RBPJL: variants seen among roughly 807,000 people sequenced by gnomAD.
RBPJL encodes recombination signal binding protein for immunoglobulin kappa J region like.
A neutral mutation model predicts 57.6 loss-of-function variants in RBPJL; 50 were observed. The ratio of observed to expected loss-of-function variants is 0.87; its 90% CI spans 0.69 to 1.10. The LOEUF is 1.10. RBPJL is among the 50% of genes least tolerant of loss of function. The pLI is 0.00. For synonymous variants in RBPJL, 303 were observed against 294.4 expected, an observed-to-expected ratio of 1.03 and a Z score of -0.30; for missense variants, 684 against 693.7, an observed-to-expected ratio of 0.99 and a Z score of 0.16.
In RBPJL at chr20:45,314,519, G is replaced by A. The variant is rs771226617; in HGVS notation, c.974G>A (p.Gly325Asp). The change falls in exon 9 of 12, where the codon GGT becomes GAT. Residue 325 changes from glycine (G) to aspartate (D), a missense_variant. Transcript: ENST00000343694. ...TTTCCAGGCAGTCCCCCAGGAGGGGGTGGCACCTACTTATGCCTTGCCACA... is the reference window on the plus strand; with the variant it reads ...TTTCCAGGCAGTCCCCCAGGAGGGGATGGCACCTACTTATGCCTTGCCACA... The part of the protein sequence containing the change: ...FQFPGSPPGG[G>D]GTYLCLATEK... The A allele has an allele frequency of 6.2e-7, 1 of 1,614,090 alleles. No homozygotes were observed. The highest frequency in any genetic ancestry group is 8.5e-7 in the Non-Finnish European group (1 of 1,180,034).
At position 45,309,572 on chromosome 20, in the gene RBPJL, C is replaced by T. The variant is rs1403340342; in HGVS notation, c.137C>T (p.Ser46Phe). ...CCTGCCTGCCCTACTCCCAGGTCAT[C>T]CCCAGAGCACACCACCATTCTGAGG... ...RSLPGTWTRS[S>F]PEHTTILRGG... The change falls in exon 3 of 12, where the codon TCC becomes TTC. Residue 46 changes from serine to phenylalanine, a missense_variant. Transcript: ENST00000343694. 10 of 1,609,994 alleles carry T rather than the reference C, an allele frequency of 6.2e-6. No individual in the cohort carries two copies. Among genetic ancestry groups the T allele is most frequent in the Non-Finnish European group, 7.6e-6 (9 of 1,178,132 alleles).
rs1197679610 is a variant in RBPJL, at chr20:45,314,560, T to C, written c.1015T>C (p.Phe339Leu). ...CCTTGCCACAGAGAAGGTGGTGCAA[T>C]TTCAGGTAAGAAGCAGAGAATACCA... The part of the protein sequence containing the change: ...LCLATEKVVQ[F>L]QASPCPKEAN... Residue 339 changes from phenylalanine (F) to leucine (L), a missense_variant, in exon 9 of 12, where the codon TTT (phenylalanine) becomes CTT (leucine). Phe to Leu is a conservative substitution (Grantham distance 22, BLOSUM62 0). Coordinates refer to ENST00000343694, the MANE Select transcript of RBPJL (RefSeq NM_014276.4). The C allele has an allele frequency of 2.5e-6, 4 of 1,612,612 alleles. No homozygotes were observed. Among genetic ancestry groups the C allele is most frequent in the Non-Finnish European group, 3.4e-6 (4 of 1,178,990 alleles).
chr20:45,311,459 T>C (rs1987161554), intron 3 of RBPJL, 130 bp from the exon 4 acceptor site: 1 of 789,540 alleles, frequency 1.3e-6, no homozygotes. Context: ...TTTACAGTCG[T>C]GAAAAAGCGT....
rs760329466 is a variant in RBPJL at position 45,314,441 on chromosome 20, C to T, written c.896C>T (p.Ala299Val). ...ATCCGTAAAGTAGCAAAACAGTGTGCGCTCCTTGATGTGGATGAGCCCATC... is the reference window on the plus strand; with the variant it reads ...ATCCGTAAAGTAGCAAAACAGTGTGTGCTCCTTGATGTGGATGAGCCCATC... The part of the protein sequence containing the change: ...MIIRKVAKQC[A>V]LLDVDEPISQ... Residue 299 changes from alanine to valine, a missense_variant, in exon 9 of 12, where the codon GCG becomes GTG. Coordinates refer to ENST00000343694, the MANE Select transcript of RBPJL (RefSeq NM_014276.4). The T allele has an allele frequency of 8.1e-6, 13 of 1,613,970 alleles. No homozygotes were observed. Among genetic ancestry groups the T allele is most frequent in the African/African-American group, 2.7e-5 (2 of 74,938 alleles).
intron 6 of RBPJL, among the ~76,000 whole-genome samples, chr20:45,313,206 A>G (rs1266914966): frequency 1.3e-5 from 2 of 152,104 alleles, no homozygotes; most frequent in African/African-American, 4.8e-5. Context: ...AACTGTCTGG[A>G]AAGTCCAAGG....
At chr20:45,308,048 TG>T in intron 1 of RBPJL, 94 bp from the exon 2 acceptor site, 1 of 784,056 alleles carries the variant, frequency 1.3e-6, no homozygotes, top group Non-Finnish European at 2.2e-6. Flanking sequence ...CCTGCAGAAG[TG>T]GGGAAGGGCA....
chr20:45,313,627 G>A, intron 7 of RBPJL, 22 bp downstream of exon 7: 1 of 1,581,198 alleles, frequency 6.3e-7, no homozygotes, highest in Non-Finnish European at 8.6e-7. Context: ...TGCAGGCCCT[G>A]GAGCTGGGCA....
At chr20:45,316,405 C>T in intron 10 of RBPJL, 63 bp downstream of exon 10, 1 of 1,596,272 alleles carries the variant, frequency 6.3e-7, no homozygotes, top group Non-Finnish European at 8.5e-7. Flanking sequence ...AGTGGTGGTG[C>T]TAGTGAGTGG....
intron 9 of RBPJL, among the ~76,000 whole-genome samples, chr20:45,315,083 C>CA (rs578164737): frequency 2.6e-5 from 4 of 151,360 alleles, no homozygotes; most frequent in Non-Finnish European, 5.9e-5. Context: ...GACTCCATCT[C>CA]AAAAAAAGTA....
In RBPJL at chr20:45,311,695, C is replaced by T. The variant is rs766875861; in HGVS notation, c.328+36C>T. Reference sequence around the variant, plus strand: ...AATCAAGGGCTGCCGGCCGCCTGCTCTGTAGGGAGGACCACGAGATTGGGC... The same window carrying T: ...AATCAAGGGCTGCCGGCCGCCTGCTTTGTAGGGAGGACCACGAGATTGGGC... On this transcript the variant is annotated intron_variant, in intron 4 of 11. Coordinates refer to ENST00000343694, the MANE Select transcript of RBPJL (RefSeq NM_014276.4). The T allele has an allele frequency of 8.7e-6, 14 of 1,609,366 alleles. No individual in the cohort carries two copies. In the Admixed American group the frequency reaches 2.3e-4, roughly 27 times the overall value.
At position 45,312,078 on chromosome 20, in the gene RBPJL, T is replaced by C. The variant is rs1312202958; in HGVS notation, c.444+124T>C. On this transcript the variant is annotated intron_variant, in intron 5 of 11. Transcript: ENST00000343694. ...TGGGGAGACCGGGAGGCCGGGGTCC[T>C]GCCTTAAGGCCGAGCCTGAGAGCCT... 10 of 1,460,154 alleles carry C rather than the reference T, an allele frequency of 6.8e-6. No homozygotes were observed. The African/African-American group carries it at 8.4e-5, about 12-fold the overall frequency. The allele number at this position is 1,460,154 out of a possible 1,614,324, so 90.4% of individuals were successfully genotyped here. A position where few individuals can be genotyped will look rare whatever the true frequency, so the allele number is the denominator to read the frequency against.
At chr20:45,308,498 C>T (rs753682641) in intron 2 of RBPJL, 49 of 528,314 alleles carry the variant, frequency 9.3e-5, no homozygotes, top group Middle Eastern at 5.1e-4. Context: ...TCAGCTACAG[C>T]GGGAGACTGG....
At chr20:45,313,668 C>CCA in intron 7 of RBPJL, 63 bp downstream of exon 7, 1 of 1,456,640 alleles carries the variant, frequency 6.9e-7, no homozygotes, top group Non-Finnish European at 9.2e-7. Context: ...TTAACCTCCA[C>CCA]CACAACTCCT....
Position 45,316,208 on chromosome 20 carries a change from GC to G in RBPJL, c.1043del (p.Ala348GlyfsTer44). 6.2e-7 allele frequency: 1 copy of G among 1,614,182 alleles called. No homozygotes were observed. The highest frequency in any genetic ancestry group is 8.5e-7 in the Non-Finnish European group (1 of 1,179,990). ...QFQASPCPKE[A>X]NRALLNDSSC... is the part of the protein sequence containing the mutation. ...CCAGGCCTCTCCCTGCCCCAAGGAG[GC>G]GAACAGGGCTCTGCTTAACGACAGC... On this transcript the variant is annotated frameshift_variant, in exon 10 of 12. Coordinates refer to ENST00000343694, the MANE Select transcript of RBPJL (RefSeq NM_014276.4). LOFTEE classifies it high-confidence loss of function.
Position 45,313,452 on chromosome 20 carries a change from A to T in RBPJL, c.620-16A>T. The T allele has an allele frequency of 6.2e-7, 1 of 1,601,854 alleles. No homozygotes were observed. The highest frequency in any genetic ancestry group is 8.5e-7 in the Non-Finnish European group (1 of 1,173,454). ...GACCCTCACCCTCACCCTAACCCTG[A>T]CCCTCACCCTCACAGTGTGCATATC... On this transcript the variant is annotated splice_polypyrimidine_tract_variant and intron_variant, in intron 6 of 11. Coordinates refer to ENST00000343694, the MANE Select transcript of RBPJL (RefSeq NM_014276.4).
At chr20:45,313,366 A>C (rs1987288737) in intron 6 of RBPJL, 102 bp from the exon 7 acceptor site, 4 of 890,892 alleles carry the variant, frequency 4.5e-6, no homozygotes, top group South Asian at 1.9e-5. Flanking sequence ...CCCTCACCCT[A>C]ACCCTCACCC....
In RBPJL at chr20:45,309,643, C is replaced by T. The variant is rs369083610; in HGVS notation, c.208C>T (p.Arg70Trp). Residue 70 changes from arginine (R) to tryptophan (W), a missense_variant, in exon 3 of 12, where the codon CGG becomes TGG. By Grantham distance (101) the Arg-to-Trp change is moderately radical (BLOSUM62 -3). Coordinates refer to ENST00000343694, the MANE Select transcript of RBPJL (RefSeq NM_014276.4). ...CLQQQCEQTV[R>W]ILHAKVAQKS... ...GCAGCAACAGTGTGAACAGACTGTGCGGATCCTGCATGCCAAGGTGGCCCA... is the reference window on the plus strand; with the variant it reads ...GCAGCAACAGTGTGAACAGACTGTGTGGATCCTGCATGCCAAGGTGGCCCA... The T allele has an allele frequency of 2.6e-5, 42 of 1,613,352 alleles. No homozygotes were observed. The highest frequency in any genetic ancestry group is 5.0e-5 in the Admixed American group (3 of 59,934).
In RBPJL at chr20:45,308,634, G is replaced by A. The variant is rs191544635; in HGVS notation, c.131+383G>A. 1,673 of 249,694 alleles carry A rather than the reference G, an allele frequency of 6.7e-3. 14 individuals are homozygous for A. Among genetic ancestry groups the A allele is most frequent in the Admixed American group, 9.4e-3 (199 of 21,158 alleles). 15.5% of individuals were successfully genotyped at this position (249,694 alleles called of 1,614,324 possible). Reference sequence around the variant, plus strand: ...CTGCTGCCTGTCTGGCCTGGCTTTCGAGGGTGCGGTCTTGCGCTGTCCCCT... The same window carrying A: ...CTGCTGCCTGTCTGGCCTGGCTTTCAAGGGTGCGGTCTTGCGCTGTCCCCT... On this transcript the variant is annotated intron_variant, in intron 2 of 11. Transcript: ENST00000343694.
At position 45,316,170 on chromosome 20, in the gene RBPJL, C is replaced by T; in HGVS notation, c.1021-17C>T. 1.2e-6 allele frequency: 2 copies of T among 1,610,118 alleles called. No individual in the cohort carries two copies. The highest frequency in any genetic ancestry group is 1.1e-5 in the South Asian group (1 of 91,016). On this transcript the variant is annotated splice_polypyrimidine_tract_variant and intron_variant, in intron 9 of 11. Coordinates refer to ENST00000343694, the MANE Select transcript of RBPJL (RefSeq NM_014276.4). Reference sequence around the variant, plus strand: ...CCATGAGAAGCTTCGGCCTCGTCCCCTTGGGTCTCCTCCCAGGCCTCTCCC... The same window carrying T: ...CCATGAGAAGCTTCGGCCTCGTCCCTTTGGGTCTCCTCCCAGGCCTCTCCC...
Sources: gnomAD v4.1 joint callset for allele counts (sites outside exome capture counted in the v4.1 genomes callset) on GRCh38, gnomAD v4.1.1 for gene constraint, MANE v1.5 for transcripts, NCBI Gene and HGNC (gene_info 2026-07-23, HGNC 2026-07-21) for gene names.